The following WNT16 variants were observed in gnomAD, a reference collection of about 807,000 sequenced individuals.
The protein encoded by WNT16 is Wnt family member 16.
WNT16 carries 20 observed loss-of-function variants against 35.4 expected under a neutral mutation model. That is an observed-to-expected ratio of 0.56 (90% CI 0.40 to 0.82). WNT16 has a LOEUF of 0.82. WNT16 is among the 40% of genes least tolerant of loss of function. WNT16 has a pLI of 0.00. For synonymous variants in WNT16, 180 were observed against 179.2 expected, an observed-to-expected ratio of 1.00 and a Z score of -0.03; for missense variants, 461 against 466.0, an observed-to-expected ratio of 0.99 and a Z score of 0.10.
intron 3 of WNT16, 27 bp downstream of exon 3, chr7:121,331,991 A>G: frequency 6.2e-7 from 1 of 1,609,192 alleles, no homozygotes; most frequent in South Asian, 1.1e-5. Context: ...GGAATAATCA[A>G]AACCCAGTGC....
rs116194910 is a variant in WNT16, at chr7:121,329,732, C to G, written c.261C>G (p.His87Gln). The G allele has an allele frequency of 8.7e-6, 14 of 1,612,048 alleles. No individual in the cohort carries two copies. The Admixed American group carries it at 1.7e-4, about 19-fold the overall frequency. ...AGGAGTGCGGGAGCCAGTTCAGACA[C>G]GAGAGATGGAACTGCATGATCACCG... ...GIQECGSQFRHERWNCMITAA... is the reference protein window; with the variant it reads ...GIQECGSQFRQERWNCMITAA... The change falls in exon 2 of 4, where the codon CAC becomes CAG. Residue 87 changes from histidine to glutamine, a missense_variant. By Grantham distance (24) the His-to-Gln change is conservative. Coordinates refer to ENST00000222462, the MANE Select transcript of WNT16 (RefSeq NM_057168.2).
Position 121,329,022 on chromosome 7 carries a change from A to C in WNT16, c.-271A>C. 8.3e-7 allele frequency: 1 copy of C among 1,207,758 alleles called. No individual in the cohort carries two copies. The highest frequency in any genetic ancestry group is 1.0e-6 in the Non-Finnish European group (1 of 970,610). The allele number at this position is 1,207,758 out of a possible 1,614,324, so 74.8% of individuals were successfully genotyped here. ...ATCAACAGAAGTTTCTCACCTAGGA[A>C]TGCGAGGGGCGCTCCCGCATCTCCT... On this transcript the variant is annotated 5_prime_UTR_variant, in exon 1 of 4. The change abolishes an upstream ATG in the 5' untranslated region. Coordinates refer to ENST00000222462, the MANE Select transcript of WNT16 (RefSeq NM_057168.2).
At chr7:121,328,988 C>T (rs1300524541), upstream of WNT16, 4 of 1,111,490 alleles carry the variant, frequency 3.6e-6, no homozygotes, top group East Asian at 4.5e-5. Context: ...GCGATGGAGA[C>T]GCGGATACAT....
intron 1 of WNT16, 57 bp from the exon 2 acceptor site, chr7:121,329,510 C>T (rs1247720474): frequency 6.2e-7 from 1 of 1,600,854 alleles, no homozygotes; most frequent in Non-Finnish European, 8.5e-7. Flanking sequence ...CCTAATTTTT[C>T]GGAAAACATC....
upstream of WNT16, among the ~76,000 whole-genome samples, chr7:121,328,348 C>A (rs73440208): frequency 0.042 from 6,359 of 152,216 alleles, 287 homozygotes; most frequent in South Asian, 0.14. Context: ...ACAGCGTTCT[C>A]AGGGACTGCA....
upstream of WNT16, among the ~76,000 whole-genome samples, chr7:121,326,073 C>T (rs1185779643): frequency 7.1e-6 from 1 of 140,470 alleles, no homozygotes; most frequent in Non-Finnish European, 1.5e-5. Flanking sequence ...AAAGGAGGGG[C>T]CTCTAAAGGT....
chr7:121,327,022 T>C (rs1189145421), upstream of WNT16, among the ~76,000 whole-genome samples: 1 of 152,244 alleles, frequency 6.6e-6, no homozygotes. Context: ...CAGGATCTTA[T>C]GTACTAGGCC....
chr7:121,325,652 T>C (rs902188912), upstream of WNT16, among the ~76,000 whole-genome samples: 1 of 149,028 alleles, frequency 6.7e-6, no homozygotes, highest in Non-Finnish European at 1.5e-5. Context: ...AAATTTTACA[T>C]ATATATATAT....
At chr7:121,325,571 C>T, upstream of WNT16, 1 of 1,313,728 alleles carries the variant, frequency 7.6e-7, no homozygotes, top group Non-Finnish European at 1.0e-6. Context: ...ACCATAGACA[C>T]CAGTAAAAAA....
chr7:121,334,766 A>G (rs1793413757), intron 3 of WNT16, among the ~76,000 whole-genome samples: 1 of 152,100 alleles, frequency 6.6e-6, no homozygotes, highest in South Asian at 2.1e-4. Context: ...TGGCTAACGG[A>G]ATGATGTGAT....
upstream of WNT16, among the ~76,000 whole-genome samples, chr7:121,325,743 A>G (rs1793235326): frequency 6.6e-6 from 1 of 151,972 alleles, no homozygotes; most frequent in Non-Finnish European, 1.5e-5. Flanking sequence ...TGTTGTAGTG[A>G]AAAAAACAGG....
At chr7:121,330,618 A>ACGCAGTCCCTGCG (rs1167302321) in intron 2 of WNT16, among the ~76,000 whole-genome samples, 1 of 147,642 alleles carries the variant, frequency 6.8e-6, no homozygotes, top group Non-Finnish European at 1.5e-5. Flanking sequence ...ACCCTTGTCC[A>ACGCAGTCCCTGCG]CGCAGTCCCT....
chr7:121,329,546 A>G (rs539298802), intron 1 of WNT16, 21 bp from the exon 2 acceptor site: 2 of 1,611,900 alleles, frequency 1.2e-6, no homozygotes, highest in African/African-American at 1.3e-5. Flanking sequence ...GCTTAACGCT[A>G]CGGGCGGCCG....
intron 2 of WNT16, among the ~76,000 whole-genome samples, chr7:121,331,002 T>G (rs1196823515): frequency 6.6e-6 from 1 of 152,228 alleles, no homozygotes; most frequent in Non-Finnish European, 1.5e-5. Context: ...TTAATAGAAT[T>G]ATGTTTTTGC....
At chr7:121,333,537 T>C (rs1026642343) in intron 3 of WNT16, among the ~76,000 whole-genome samples, 1 of 151,966 alleles carries the variant, frequency 6.6e-6, no homozygotes, top group African/African-American at 2.4e-5. Context: ...CACATGCCTC[T>C]TAAGGTTTTA....
At chr7:121,327,846 C>T (rs898196025), upstream of WNT16, among the ~76,000 whole-genome samples, 2 of 152,318 alleles carry the variant, frequency 1.3e-5, no homozygotes, top group East Asian at 3.9e-4. Context: ...AGATAACTCT[C>T]GGAGACCTTC....
At chr7:121,334,343 T>A (rs1240091010) in intron 3 of WNT16, among the ~76,000 whole-genome samples, 1 of 152,070 alleles carries the variant, frequency 6.6e-6, no homozygotes, top group Non-Finnish European at 1.5e-5. Context: ...TATTTTCTCT[T>A]GAGGTATTAT....
chr7:121,326,214 CAGTA>C (rs1562873562), upstream of WNT16, among the ~76,000 whole-genome samples: 1 of 152,000 alleles, frequency 6.6e-6, no homozygotes, highest in African/African-American at 2.4e-5. Flanking sequence ...CAAATAAAGA[CAGTA>C]AGAGGGATTT....
chr7:121,336,215 T>C (rs1793443543), intron 3 of WNT16, among the ~76,000 whole-genome samples: 1 of 152,008 alleles, frequency 6.6e-6, no homozygotes, highest in African/African-American at 2.4e-5. Context: ...GAATACAGTA[T>C]ATATATGCAT....
Sources: gnomAD v4.1 joint callset for allele counts (sites outside exome capture counted in the v4.1 genomes callset) on GRCh38, gnomAD v4.1.1 for gene constraint, MANE v1.5 for transcripts, NCBI Gene and HGNC (gene_info 2026-07-23, HGNC 2026-07-21) for gene names.